Variants in UPP2 observed in about 807,000 individuals in gnomAD.
UPP2 encodes UPase 2.
A neutral mutation model predicts 26.7 loss-of-function variants in UPP2; 23 were observed. That is an observed-to-expected ratio of 0.86 (90% CI 0.62 to 1.22). The LOEUF (loss-of-function observed/expected upper bound fraction) is 1.22, where lower values mean the gene tolerates loss of function less well. UPP2 is among the 50% of genes most tolerant of loss of function. The pLI, the probability that UPP2 is intolerant of heterozygous loss-of-function variation, is 0.00. For missense variants in UPP2, 387 were observed against 396.7 expected, an observed-to-expected ratio of 0.98 and a Z score of 0.21; for synonymous variants, 127 against 141.3, an observed-to-expected ratio of 0.90 and a Z score of 0.72.
intron 2 of UPP2, among the ~76,000 whole-genome samples, chr2:158,013,586 G>T (rs1683613083): frequency 6.6e-6 from 1 of 152,212 alleles, no homozygotes; most frequent in Non-Finnish European, 1.5e-5. Flanking sequence ...CTCAGGTTGG[G>T]AAGCCAGCAG....
At chr2:158,105,215 T>C (rs549399209) in intron 1 of UPP2, among the ~76,000 whole-genome samples, 4 of 152,224 alleles carry the variant, frequency 2.6e-5, no homozygotes, top group South Asian at 4.1e-4. Flanking sequence ...AATGATATGC[T>C]TCATAAATAT....
At chr2:157,995,367 C>T (rs1683309115) in intron 2 of UPP2, 3 of 1,220,462 alleles carry the variant, frequency 2.5e-6, no homozygotes, top group Non-Finnish European at 3.5e-6. Context: ...ATGTTTTCCA[C>T]ATTTCAGCTT....
intron 3 of UPP2, among the ~76,000 whole-genome samples, chr2:158,080,721 C>G (rs1020991710): frequency 6.6e-6 from 1 of 152,030 alleles, no homozygotes; most frequent in African/African-American, 2.4e-5. Context: ...TGACTTTTAC[C>G]AAAAAGCCAG....
At chr2:158,084,463 T>G (rs965533933) in intron 3 of UPP2, among the ~76,000 whole-genome samples, 1 of 152,030 alleles carries the variant, frequency 6.6e-6, no homozygotes, top group African/African-American at 2.4e-5. Flanking sequence ...GTTTGCTGAT[T>G]GTTTCTTTTG....
In UPP2 at chr2:158,115,171, T is replaced by C; in HGVS notation, c.251T>C (p.Phe84Ser). 6.2e-7 allele frequency: 1 copy of C among 1,613,680 alleles called. No homozygotes were observed. Among genetic ancestry groups the C allele is most frequent in the South Asian group, 1.1e-5 (1 of 91,052 alleles). The change falls in exon 3 of 7, where the codon TTT becomes TCT. Residue 84 changes from phenylalanine to serine, a missense_variant. By Grantham distance (155) the Phe-to-Ser change is radical. Transcript: ENST00000005756. The part of the protein sequence containing the change: ...FALFMHKELG[F>S]EEAEEDIKDI... ...CTGTTTATGCACAAGGAGCTCGGGT[T>C]TGAGGAAGCTGAAGAAGACATAAAA...
At chr2:158,098,269 T>G (rs558304913), upstream of UPP2, among the ~76,000 whole-genome samples, 2 of 151,456 alleles carry the variant, frequency 1.3e-5, no homozygotes, top group African/African-American at 4.9e-5. Flanking sequence ...GGGGTGAAAA[T>G]AAAGGAGGAG....
intron 3 of UPP2, among the ~76,000 whole-genome samples, chr2:158,034,436 G>A (rs1457186271): frequency 6.6e-6 from 1 of 152,186 alleles, no homozygotes; most frequent in Non-Finnish European, 1.5e-5. Flanking sequence ...CCGTCCAGCA[G>A]GTGTCAGTAA....
intron 3 of UPP2, chr2:158,065,505 T>C (rs767332190): frequency 1.2e-4 from 42 of 356,604 alleles, no homozygotes; most frequent in Non-Finnish European, 2.3e-4. Flanking sequence ...CTTTTAAAAT[T>C]CTTTCATAAC....
At chr2:158,087,541 G>C (rs1682836528) in intron 3 of UPP2, among the ~76,000 whole-genome samples, 1 of 152,088 alleles carries the variant, frequency 6.6e-6, no homozygotes, top group Non-Finnish European at 1.5e-5. Flanking sequence ...TTTGTTGCCT[G>C]AATACCTTTT....
chr2:158,022,578 G>C (rs1683769088), intron 3 of UPP2, among the ~76,000 whole-genome samples: 1 of 151,412 alleles, frequency 6.6e-6, no homozygotes, highest in South Asian at 2.1e-4. Flanking sequence ...CCACTAAATT[G>C]ACACCACACA....
Position 158,134,914 on chromosome 2 carries a change from C to A in UPP2, c.*24C>A. The A allele has an allele frequency of 1.3e-6, 2 of 1,591,716 alleles. No homozygotes were observed. Among genetic ancestry groups the A allele is most frequent in the Non-Finnish European group, 8.6e-7 (1 of 1,169,360 alleles). ...AGACGTCCTAACTGGGCAGCCCAAC[C>A]CTCCCCTGCAAGTTTGTAGCTCAAG... On this transcript the variant is annotated 3_prime_UTR_variant, in exon 7 of 7. Coordinates refer to ENST00000005756, the MANE Select transcript of UPP2 (RefSeq NM_173355.4).
chr2:158,036,467 A>G (rs545508790), intron 3 of UPP2, among the ~76,000 whole-genome samples: 2 of 152,290 alleles, frequency 1.3e-5, no homozygotes, highest in African/African-American at 2.4e-5. Context: ...ATCAGCATTC[A>G]TCACCAGGCC....
intron 3 of UPP2, among the ~76,000 whole-genome samples, chr2:158,019,639 A>AACAC (rs57149695): frequency 0.013 from 1,869 of 141,166 alleles, 18 homozygotes; most frequent in Non-Finnish European, 0.02. Flanking sequence ...AATCCTTTAA[A>AACAC]ACACACACAC....
intron 6 of UPP2, chr2:158,127,926 T>C (rs1683728702): frequency 5.8e-6 from 5 of 864,334 alleles, no homozygotes; most frequent in Non-Finnish European, 5.6e-6. Context: ...CATTCTCCTA[T>C]CACTTTATAA....
intron 3 of UPP2, among the ~76,000 whole-genome samples, chr2:158,045,554 C>T (rs1201235717): frequency 6.6e-6 from 1 of 152,200 alleles, no homozygotes; most frequent in Non-Finnish European, 1.5e-5. Flanking sequence ...ATGTTGCCCT[C>T]TGCACCTCTG....
At chr2:158,025,800 C>T (rs572023676) in intron 3 of UPP2, among the ~76,000 whole-genome samples, 1 of 152,344 alleles carries the variant, frequency 6.6e-6, no homozygotes, top group South Asian at 2.1e-4. Flanking sequence ...ACACGGAAGA[C>T]ATCCTCTGAC....
intron 3 of UPP2, among the ~76,000 whole-genome samples, chr2:158,019,453 G>A (rs569715799): frequency 5.9e-5 from 9 of 152,184 alleles, no homozygotes; most frequent in Non-Finnish European, 1.0e-4. Flanking sequence ...TCCTGGGGCC[G>A]CTATGTTTAG....
intron 3 of UPP2, among the ~76,000 whole-genome samples, chr2:158,046,538 G>T (rs1049788200): frequency 6.6e-6 from 1 of 152,122 alleles, no homozygotes; most frequent in Non-Finnish European, 1.5e-5. Context: ...ACACACAAAA[G>T]AACTTCCAAG....
At chr2:158,129,938 T>A (rs1401692105) in intron 6 of UPP2, among the ~76,000 whole-genome samples, 3 of 151,976 alleles carry the variant, frequency 2.0e-5, no homozygotes, top group East Asian at 3.9e-4. Context: ...TGTGTGTGTA[T>A]GGGTTTTTAT....
Sources: allele counts gnomAD v4.1 joint callset (sites outside exome capture counted in the v4.1 genomes callset), GRCh38; gene constraint gnomAD v4.1.1; transcripts MANE v1.5; gene names NCBI Gene and HGNC (gene_info 2026-07-23, HGNC 2026-07-21).